The following ARF1 variants were observed in gnomAD, a reference collection of about 807,000 sequenced individuals.
ARF1 encodes ADP-ribosylation factor 1.
A neutral mutation model predicts 18.0 loss-of-function variants in ARF1; 1 was observed. The ratio of observed to expected loss-of-function variants is 0.06; its 90% CI spans 0.02 to 0.26. The LOEUF is 0.26. ARF1 is among the 10% of genes least tolerant of loss of function. The pLI, the probability that ARF1 is intolerant of heterozygous loss-of-function variation, is 1.00. For synonymous variants in ARF1, 112 were observed against 96.3 expected, an observed-to-expected ratio of 1.16 and a Z score of -0.95; for missense variants, 73 against 247.2, an observed-to-expected ratio of 0.30 and a Z score of 4.73.
At chr1:228,085,129 A>C (rs1207115472) in intron 1 of ARF1, among the ~76,000 whole-genome samples, 1 of 152,256 alleles carries the variant, frequency 6.6e-6, no homozygotes, top group Admixed American at 6.5e-5. Flanking sequence ...ATCTTAAATT[A>C]TGAGAACTTG....
At position 228,098,240 on chromosome 1, in the gene ARF1, T is replaced by G. The variant is rs1359900355; in HGVS notation, c.*227T>G. 1 of 463,032 alleles carries G rather than the reference T, an allele frequency of 2.2e-6. No individual in the cohort carries two copies. Among genetic ancestry groups the G allele is most frequent in the African/African-American group, 2.0e-5 (1 of 50,006 alleles). 28.7% of individuals were successfully genotyped at this position (463,032 alleles called of 1,614,324 possible). A position where few individuals can be genotyped will look rare whatever the true frequency, so the allele number is the denominator to read the frequency against. ...TTCTGGTACTCCTATGCAATATTAC[T>G]CAGCTTTTTTTATTGTAAAAAGAAA... On this transcript the variant is annotated 3_prime_UTR_variant, in exon 5 of 5. Coordinates refer to ENST00000272102, the MANE Select transcript of ARF1 (RefSeq NM_001658.4).
At chr1:228,090,263 G>C (rs1403843674) in intron 1 of ARF1, among the ~76,000 whole-genome samples, 1 of 152,230 alleles carries the variant, frequency 6.6e-6, no homozygotes, top group Non-Finnish European at 1.5e-5. Context: ...GCGCCTGGCA[G>C]AATTGGACTG....
chr1:228,094,722 T>C (rs1218930055), intron 1 of ARF1, among the ~76,000 whole-genome samples: 1 of 152,148 alleles, frequency 6.6e-6, no homozygotes, highest in Non-Finnish European at 1.5e-5. Flanking sequence ...ATGTGAGAGA[T>C]CTGAGGCCCT....
intron 1 of ARF1, among the ~76,000 whole-genome samples, chr1:228,093,536 C>A (rs1433252195): frequency 6.6e-6 from 1 of 151,802 alleles, no homozygotes; most frequent in East Asian, 1.9e-4. Context: ...GTCTTGACAC[C>A]TGAGACTTCA....
intron 1 of ARF1, among the ~76,000 whole-genome samples, chr1:228,086,501 G>A (rs1239241562): frequency 1.3e-5 from 2 of 150,758 alleles, no homozygotes; most frequent in Admixed American, 6.6e-5. Context: ...GGGCAACAGA[G>A]CGAGACTTTG....
chr1:228,093,434 G>A (rs2032633261), intron 1 of ARF1, among the ~76,000 whole-genome samples: 1 of 152,094 alleles, frequency 6.6e-6, no homozygotes, highest in Non-Finnish European at 1.5e-5. Context: ...AACATGCCGA[G>A]GCAGGACGTG....
In ARF1 at chr1:228,089,316, G is replaced by A. The variant is rs958027365; in HGVS notation, c.-38+6551G>A. Among the ~76,000 whole-genome samples, 2 of 152,182 alleles carry A rather than the reference G, an allele frequency of 1.3e-5. No individual in the cohort carries two copies. Among genetic ancestry groups the A allele is most frequent in the African/African-American group, 4.8e-5 (2 of 41,442 alleles). The stretch of plus-strand genomic sequence containing the variant: ...TGCCTTTCTCTCACCTAGGTCTGGA[G>A]TGCCTCCAGAAGCGAGGATTTCCTG... On this transcript the variant is annotated intron_variant, in intron 1 of 4. Transcript: ENST00000272102. The surrounding 1 kb of genome is among the most constrained non-coding windows in gnomAD (Gnocchi z 4.1).
intron 1 of ARF1, among the ~76,000 whole-genome samples, chr1:228,094,579 C>T (rs751644233): frequency 9.9e-5 from 15 of 151,984 alleles, no homozygotes; most frequent in Non-Finnish European, 1.9e-4. Context: ...ACTTCCTGCT[C>T]CAGTCTGAGG....
At chr1:228,084,073 G>A (rs560445307) in intron 1 of ARF1, among the ~76,000 whole-genome samples, 3 of 152,228 alleles carry the variant, frequency 2.0e-5, no homozygotes, top group Non-Finnish European at 2.9e-5. Context: ...GCAGTGTGTT[G>A]GGAGGAGTGT....
chr1:228,083,506 A>G (rs539504677), intron 1 of ARF1: 6 of 152,300 alleles, frequency 3.9e-5, no homozygotes, highest in African/African-American at 1.4e-4. Context: ...GTGAGACGCA[A>G]TTTGGGGTCA....
intron 1 of ARF1, among the ~76,000 whole-genome samples, chr1:228,086,244 A>C (rs1024775359): frequency 1.3e-5 from 2 of 152,200 alleles, no homozygotes; most frequent in East Asian, 3.8e-4. Context: ...GGCTGGGCGT[A>C]GTGCCTCACG....
chr1:228,084,139 C>T (rs1466370469), intron 1 of ARF1, among the ~76,000 whole-genome samples: 1 of 152,206 alleles, frequency 6.6e-6, no homozygotes, highest in Non-Finnish European at 1.5e-5. Flanking sequence ...GTTGCGTTAG[C>T]CATTGTCTAA....
chr1:228,088,936 G>C (rs2032486876), intron 1 of ARF1, among the ~76,000 whole-genome samples: 1 of 152,208 alleles, frequency 6.6e-6, no homozygotes, highest in South Asian at 2.1e-4. Flanking sequence ...GCAGCCTATT[G>C]CAAGGACCTG....
chr1:228,096,908 C>T (rs142516339), intron 1 of ARF1, among the ~76,000 whole-genome samples, 170 bp from the exon 2 acceptor site: 6 of 152,172 alleles, frequency 3.9e-5, no homozygotes, highest in Non-Finnish European at 8.8e-5. Flanking sequence ...TTTCCCTCAG[C>T]CCCCATCCTG....
rs2032856441 is a variant in ARF1 at position 228,098,907 on chromosome 1, C to T, written c.*894C>T. ...CAGGCGGTCCACCTAGACCCACAGC[C>T]CCTCGGGAGCACCCCACCTCTGTGT... On this transcript the variant is annotated 3_prime_UTR_variant, in exon 5 of 5. Coordinates refer to ENST00000272102, the MANE Select transcript of ARF1 (RefSeq NM_001658.4). The T allele has an allele frequency of 6.5e-6, 1 of 152,676 alleles. No homozygotes were observed. The highest frequency in any genetic ancestry group is 1.5e-5 in the Non-Finnish European group (1 of 68,064). The allele number at this position is 152,676 out of a possible 1,614,324, so 9.5% of individuals were successfully genotyped here.
At chr1:228,087,361 T>C (rs963898840) in intron 1 of ARF1, among the ~76,000 whole-genome samples, 2 of 152,270 alleles carry the variant, frequency 1.3e-5, no homozygotes, top group African/African-American at 2.4e-5. Flanking sequence ...GCCTGTGCTT[T>C]GTACCTTCTG....
In ARF1 at chr1:228,098,135, C is replaced by T. The variant is rs748843233; in HGVS notation, c.*122C>T. The T allele has an allele frequency of 2.0e-5, 24 of 1,216,186 alleles. No homozygotes were observed. Among genetic ancestry groups the T allele is most frequent in the Middle Eastern group, 3.0e-4 (1 of 3,380 alleles). 75.3% of individuals were successfully genotyped at this position (1,216,186 alleles called of 1,614,324 possible). A position where few individuals can be genotyped will look rare whatever the true frequency, so the allele number is the denominator to read the frequency against. On this transcript the variant is annotated 3_prime_UTR_variant, in exon 5 of 5. Coordinates refer to ENST00000272102, the MANE Select transcript of ARF1 (RefSeq NM_001658.4). ...GGTTTGGTCACCGTGTGCATCGCAC[C>T]GTGCTGTAAATGTGGCAGACGCAGC... is the stretch of plus-strand genomic sequence containing the variant.
intron 1 of ARF1, among the ~76,000 whole-genome samples, chr1:228,092,009 A>G (rs2032591049): frequency 6.6e-6 from 1 of 152,216 alleles, no homozygotes; most frequent in African/African-American, 2.4e-5. Context: ...AATTCTTAAA[A>G]TGTTATGTAA....
rs74140915 is a variant in ARF1, at chr1:228,083,678, C to T, written c.-38+913C>T. 2.1e-3 allele frequency among the ~76,000 whole-genome samples: 318 copies of T among 152,344 alleles called. 2 individuals carry two copies. Among genetic ancestry groups the T allele is most frequent in the East Asian group, 0.015 (77 of 5,178 alleles). On this transcript the variant is annotated intron_variant, in intron 1 of 4. Transcript: ENST00000272102. The stretch of plus-strand genomic sequence containing the variant: ...ACCTGCCTGCGGAACGACCTGCTCG[C>T]AGACTCTAGGCCGCAGAGGCCGGCC...
Sources: gnomAD v4.1 joint callset for allele counts (sites outside exome capture counted in the v4.1 genomes callset) on GRCh38, gnomAD v4.1.1 for gene constraint, Gnocchi (gnomAD v3.1) non-coding constraint, MANE v1.5 for transcripts, NCBI Gene and HGNC (gene_info 2026-07-23, HGNC 2026-07-21) for gene names.